NACC2: variants seen among roughly 807,000 people sequenced by gnomAD.
NACC2 encodes nucleus accumbens-associated protein 2.
NACC2 carries 8 observed loss-of-function variants against 25.1 expected under a neutral mutation model. That is an observed-to-expected ratio of 0.32 (90% CI 0.19 to 0.57). The LOEUF (loss-of-function observed/expected upper bound fraction) is 0.57, where lower values mean the gene tolerates loss of function less well. NACC2 is among the 20% of genes least tolerant of loss of function. The pLI is 0.89. For synonymous variants in NACC2, 435 were observed against 294.7 expected (o/e 1.48, Z -4.88); for missense variants, 644 against 650.2 (o/e 0.99, Z 0.10).
chr9:136,051,253 C>A (rs921314675), intron 1 of NACC2, among the ~76,000 whole-genome samples: 1 of 152,314 alleles, frequency 6.6e-6, no homozygotes, highest in East Asian at 1.9e-4. Flanking sequence ...CCTGGGCGCG[C>A]CCGCTCCGTT....
intron 1 of NACC2, among the ~76,000 whole-genome samples, chr9:136,089,200 C>T (rs11103324): frequency 0.2 from 30,412 of 152,032 alleles, 3,579 homozygotes; most frequent in East Asian, 0.42. Context: ...CACCCAGAGC[C>T]TCCCCCTGCC....
In NACC2 at chr9:136,049,652, G is replaced by A. The variant is rs1234315814; in HGVS notation, c.870C>T (p.Ala290=). 15 of 777,486 alleles carry A rather than the reference G, an allele frequency of 1.9e-5. No homozygotes were observed. Among genetic ancestry groups the A allele is most frequent in the African/African-American group, 6.8e-5 (4 of 58,852 alleles). The allele number at this position is 777,486 out of a possible 1,614,324, so 48.2% of individuals were successfully genotyped here. A position where few individuals can be genotyped will look rare whatever the true frequency, so the allele number is the denominator to read the frequency against. The change falls in exon 2 of 6, where the codon GCC becomes GCT. Residue 290 remains alanine, a synonymous_variant. Transcript: ENST00000277554. ...EEQYGQMYIK[A]SGSYAVQEKP... is the part of the protein sequence containing the mutation. The stretch of plus-strand genomic sequence containing the variant: ...CCGCGTTACCTGCATAGCTGCCGGA[G>A]GCCTTGATGTACATCTGGCCGTACT...
chr9:136,025,635 C>T lies in NACC2; in HGVS notation c.887-9206G>A, dbSNP rs187410112. ...CTATTAAAAAAAAAAAAAACGCAGCCGGGCGCAGTGGCTCATGCCTGTAAT... is the reference window on the plus strand; with the variant it reads ...CTATTAAAAAAAAAAAAAACGCAGCTGGGCGCAGTGGCTCATGCCTGTAAT... On this transcript the variant is annotated intron_variant, in intron 2 of 5. Transcript: ENST00000277554. Among the ~76,000 whole-genome samples, 14 of 151,948 alleles carry T rather than the reference C, an allele frequency of 9.2e-5. No individual in the cohort carries two copies. In the East Asian group the frequency reaches 1.9e-3, roughly 21 times the overall value.
At chr9:136,014,508 T>C (rs1840168833) in intron 3 of NACC2, among the ~76,000 whole-genome samples, 2 of 152,202 alleles carry the variant, frequency 1.3e-5, no homozygotes, top group African/African-American at 4.8e-5. Flanking sequence ...AGACTGGTCT[T>C]GAACACCTGG....
At chr9:136,069,905 G>C (rs1161848104) in intron 1 of NACC2, among the ~76,000 whole-genome samples, 10 of 151,848 alleles carry the variant, frequency 6.6e-5, no homozygotes, top group Non-Finnish European at 2.9e-5. Flanking sequence ...GATAGAACTA[G>C]ATAGAAAATC....
In NACC2 at chr9:136,050,504, G is replaced by A. The variant is rs894339837; in HGVS notation, c.18C>T (p.His6=). The part of the protein sequence containing the change: MSQML[H]IEIPNFGNTV... Reference sequence around the variant, plus strand: ...TGTTCCCGAAGTTGGGGATCTCGATGTGCAGCATCTGAGACATGGCGGGCG... The same window carrying A: ...TGTTCCCGAAGTTGGGGATCTCGATATGCAGCATCTGAGACATGGCGGGCG... Residue 6 remains histidine (H), a synonymous_variant, in exon 2 of 6, where the codon CAC becomes CAT. Coordinates refer to ENST00000277554, the MANE Select transcript of NACC2 (RefSeq NM_144653.5). 483 of 763,946 alleles carry A rather than the reference G, an allele frequency of 6.3e-4. 4 individuals carry two copies. The African/African-American group carries it at 7.3e-3, about 12-fold the overall frequency. The allele number at this position is 763,946 out of a possible 1,614,324, so 47.3% of individuals were successfully genotyped here. A position where few individuals can be genotyped will look rare whatever the true frequency, so the allele number is the denominator to read the frequency against.
Position 136,019,067 on chromosome 9 carries a change from G to A in NACC2, c.887-2638C>T, listed in dbSNP as rs35947673. On this transcript the variant is annotated intron_variant, in intron 2 of 5. Transcript: ENST00000277554. The surrounding 1 kb of genome is among the most constrained non-coding windows in gnomAD (Gnocchi z 5.2). ...TTCTATTTCTGCCTTGCCGTGCACC[G>A]GGTGCTGCTGGCTAAAAACACCCCG... 0.23 allele frequency: 34,811 copies of A among 150,686 alleles called. 5,060 individuals carry two copies. Among genetic ancestry groups the A allele is most frequent in the East Asian group, 0.35 (1,730 of 5,010 alleles). 9.3% of individuals were successfully genotyped at this position (150,686 alleles called of 1,614,324 possible). A position where few individuals can be genotyped will look rare whatever the true frequency, so the allele number is the denominator to read the frequency against.
intron 3 of NACC2, among the ~76,000 whole-genome samples, chr9:136,015,537 G>A (rs1840186724): frequency 6.6e-6 from 1 of 152,192 alleles, no homozygotes. Flanking sequence ...GTCCTGCTGG[G>A]AGGGAAGACC....
intron 2 of NACC2, among the ~76,000 whole-genome samples, chr9:136,027,411 T>C (rs1215012876): frequency 6.6e-6 from 1 of 152,152 alleles, no homozygotes. Context: ...ACATTTGCCT[T>C]CCTTATCAGC....
At chr9:136,036,370 G>T (rs1006462539) in intron 2 of NACC2, among the ~76,000 whole-genome samples, 3 of 152,032 alleles carry the variant, frequency 2.0e-5, no homozygotes, top group Admixed American at 6.6e-5. Context: ...ACAAACAAGT[G>T]AAAAACCACA....
chr9:136,067,123 T>G (rs1428493995), intron 1 of NACC2, among the ~76,000 whole-genome samples: 3 of 151,882 alleles, frequency 2.0e-5, no homozygotes, highest in East Asian at 1.9e-4. Flanking sequence ...GCGTGGTGGT[T>G]CATGCCTGTA....
chr9:136,067,323 G>A (rs1010686858), intron 1 of NACC2, among the ~76,000 whole-genome samples: 4 of 152,040 alleles, frequency 2.6e-5, no homozygotes, highest in African/African-American at 9.7e-5. Flanking sequence ...TGGGGGTGGG[G>A]GAGGGATGGG....
At chr9:136,048,831 C>T (rs937903079) in intron 2 of NACC2, among the ~76,000 whole-genome samples, 3 of 152,200 alleles carry the variant, frequency 2.0e-5, no homozygotes, top group African/African-American at 4.8e-5. Flanking sequence ...CAGGGATATG[C>T]GTGGTGGGGT....
chr9:136,016,541 C>T, intron 2 of NACC2, 112 bp from the exon 3 acceptor site: 1 of 1,319,600 alleles, frequency 7.6e-7, no homozygotes, highest in South Asian at 1.3e-5. Flanking sequence ...CCACTCTGCC[C>T]ACCTGGGCCC....
At chr9:136,033,176 A>AAAAAT (rs565687845) in intron 2 of NACC2, among the ~76,000 whole-genome samples, 3,398 of 151,868 alleles carry the variant, frequency 0.022, 144 homozygotes, top group African/African-American at 0.076. Flanking sequence ...ACCCTGTCTC[A>AAAAAT]AAAATAAAAT....
At chr9:136,037,698 G>A (rs1275042536) in intron 2 of NACC2, among the ~76,000 whole-genome samples, 2 of 151,870 alleles carry the variant, frequency 1.3e-5, no homozygotes, top group African/African-American at 4.8e-5. Flanking sequence ...TAGTAGAGAT[G>A]GGGTTTCACC....
chr9:136,026,070 T>C (rs1344406382), intron 2 of NACC2, among the ~76,000 whole-genome samples: 3 of 152,026 alleles, frequency 2.0e-5, no homozygotes, highest in Admixed American at 2.0e-4. Flanking sequence ...CCAGGCGTGG[T>C]GGCTCACACC....
intron 1 of NACC2, among the ~76,000 whole-genome samples, chr9:136,072,063 C>T (rs2131179020): frequency 6.6e-6 from 1 of 150,390 alleles, no homozygotes; most frequent in East Asian, 2.0e-4. Context: ...CATGGTGAAA[C>T]CCCGTCTGTA....
At chr9:136,036,940 A>C (rs1840562748) in intron 2 of NACC2, among the ~76,000 whole-genome samples, 3 of 152,384 alleles carry the variant, frequency 2.0e-5, no homozygotes, top group African/African-American at 7.2e-5. Flanking sequence ...ACACAAAGGC[A>C]TCTAATAGTC....
Sources: gnomAD v4.1 joint callset for allele counts (sites outside exome capture counted in the v4.1 genomes callset) on GRCh38, gnomAD v4.1.1 for gene constraint, Gnocchi (gnomAD v3.1) non-coding constraint, MANE v1.5 for transcripts, NCBI Gene and HGNC (gene_info 2026-07-23, HGNC 2026-07-21) for gene names.